Variants in KIAA2012 observed in about 807,000 individuals in gnomAD.
KIAA2012 encodes the protein KIAA2012.
Under a neutral mutation model 150.6 loss-of-function variants are expected in KIAA2012, and 125 were observed. The ratio of observed to expected loss-of-function variants is 0.83; its 90% confidence interval spans 0.72 to 0.96. The LOEUF (loss-of-function observed/expected upper bound fraction) is 0.96. Ranked by LOEUF, KIAA2012 falls within the 40% of genes least tolerant of loss-of-function variation. The pLI is 0.00. For synonymous variants in KIAA2012, 462 were observed against 504.7 expected (o/e 0.92, Z 1.13); for missense variants, 1,219 against 1,354.9 (o/e 0.90, Z 1.57).
At chr2:202,181,663 T>G (rs1472475589) in intron 15 of KIAA2012, among the ~76,000 whole-genome samples, 1 of 152,150 alleles carries the variant, frequency 6.6e-6, no homozygotes, top group Non-Finnish European at 1.5e-5. Context: ...GAATATACAC[T>G]AATCAATTAT....
At chr2:202,092,956 A>G (rs1689764345) in intron 3 of KIAA2012, 74 bp from the exon 4 acceptor site, 2 of 1,319,616 alleles carry the variant, frequency 1.5e-6, no homozygotes, top group Non-Finnish European at 2.1e-6. Context: ...TAAGTGAGGA[A>G]CCTTGTAGTT....
At chr2:202,085,507 G>C (rs1329811974) in intron 2 of KIAA2012, among the ~76,000 whole-genome samples, 1 of 152,124 alleles carries the variant, frequency 6.6e-6, no homozygotes, top group Non-Finnish European at 1.5e-5. Flanking sequence ...ACAAGCCAAG[G>C]AATGAAGGTG....
chr2:202,106,152 A>G, intron 9 of KIAA2012: 2 of 1,132,232 alleles, frequency 1.8e-6, no homozygotes, highest in African/African-American at 1.6e-5. Flanking sequence ...TAATATTTTA[A>G]CAGTGTCCAG....
At chr2:202,204,507 G>C (rs1215703779) in intron 23 of KIAA2012, among the ~76,000 whole-genome samples, 1 of 152,184 alleles carries the variant, frequency 6.6e-6, no homozygotes, top group African/African-American at 2.4e-5. Flanking sequence ...TAGAGCATCT[G>C]AACTGAATTT....
intron 14 of KIAA2012, among the ~76,000 whole-genome samples, chr2:202,156,618 A>G (rs57893288): frequency 0.037 from 5,597 of 152,104 alleles, 352 homozygotes; most frequent in African/African-American, 0.13. Context: ...TAAGAAAGTG[A>G]CTCACGCCTG....
At chr2:202,075,437 T>C (rs1407695531) in intron 2 of KIAA2012, among the ~76,000 whole-genome samples, 1 of 152,196 alleles carries the variant, frequency 6.6e-6, no homozygotes, top group Non-Finnish European at 1.5e-5. Context: ...ATGTTTTCCT[T>C]TCAGTTAGAG....
chr2:202,113,209 G>A, intron 10 of KIAA2012, 127 bp from the exon 11 acceptor site: 7 of 649,606 alleles, frequency 1.1e-5, no homozygotes, highest in South Asian at 9.6e-5. Context: ...TACTCTGGTG[G>A]GCACCCAAGC....
intron 15 of KIAA2012, 124 bp downstream of exon 15, chr2:202,165,480 G>T: frequency 1.1e-6 from 1 of 891,890 alleles, no homozygotes; most frequent in Non-Finnish European, 1.7e-6. Flanking sequence ...CCAGCACTTT[G>T]TGAGGCCAAG....
chr2:202,170,211 T>G (rs960634682), intron 15 of KIAA2012, among the ~76,000 whole-genome samples: 1 of 152,150 alleles, frequency 6.6e-6, no homozygotes, highest in Non-Finnish European at 1.5e-5. Context: ...GCTCAATGGG[T>G]CAAGATGGGA....
chr2:202,160,167 A>C (rs898047534), intron 14 of KIAA2012, among the ~76,000 whole-genome samples: 1 of 152,120 alleles, frequency 6.6e-6, no homozygotes, highest in Non-Finnish European at 1.5e-5. Flanking sequence ...TCAGAGATCT[A>C]TGAGGTCTGT....
chr2:202,193,534 C>T, intron 20 of KIAA2012, 31 bp downstream of exon 20: 2 of 1,546,350 alleles, frequency 1.3e-6, no homozygotes, highest in Non-Finnish European at 1.7e-6. Context: ...AGACTACAGC[C>T]ATGTTAGGAA....
At chr2:202,195,456 A>G (rs2350357) in intron 21 of KIAA2012, among the ~76,000 whole-genome samples, 134,315 of 151,870 alleles carry the variant, frequency 0.88, 59,500 homozygotes, top group African/African-American at 0.91. Flanking sequence ...AGGAGGCGGA[A>G]GTTGCAGTGA....
intron 15 of KIAA2012, among the ~76,000 whole-genome samples, chr2:202,175,070 C>T (rs767486269): frequency 6.6e-4 from 101 of 152,200 alleles, no homozygotes; most frequent in Non-Finnish European, 9.4e-4. Context: ...ACCTTTAAAT[C>T]TCATTGAATT....
In KIAA2012 at chr2:202,165,346, C is replaced by T; in HGVS notation, c.2109C>T (p.His703=). 6.5e-7 allele frequency: 1 copy of T among 1,550,254 alleles called. No homozygotes were observed. The highest frequency in any genetic ancestry group is 8.7e-7 in the Non-Finnish European group (1 of 1,146,752). ...EAGRPLRETH[H]NDQDPEPRSM... ...GGAGACCCCTCAGAGAAACTCACCA[C>T]AACGACCAAGGTACAGACCACTAGG... is the stretch of plus-strand genomic sequence containing the variant. The change falls in exon 15 of 24, where the codon CAC becomes CAT. Residue 703 remains histidine, a synonymous_variant. Coordinates refer to ENST00000498697, the MANE Select transcript of KIAA2012 (RefSeq NM_001277372.4).
intron 5 of KIAA2012, among the ~76,000 whole-genome samples, chr2:202,098,912 G>A (rs1346758878): frequency 6.6e-6 from 1 of 150,826 alleles, no homozygotes; most frequent in East Asian, 2.0e-4. Context: ...CTAACAAGAA[G>A]GTCATCTGCC....
At chr2:202,078,899 A>T (rs894158595) in intron 2 of KIAA2012, among the ~76,000 whole-genome samples, 3 of 152,156 alleles carry the variant, frequency 2.0e-5, no homozygotes, top group African/African-American at 7.2e-5. Flanking sequence ...ATCTGTTTTT[A>T]AAAAAGTGAT....
chr2:202,199,016 A>G (rs527345448), intron 22 of KIAA2012, among the ~76,000 whole-genome samples: 1 of 152,346 alleles, frequency 6.6e-6, no homozygotes, highest in Non-Finnish European at 1.5e-5. Flanking sequence ...AGCTTCCTAA[A>G]TATTGAGACC....
rs140325219 is a variant in KIAA2012, at chr2:202,075,070, G to C, written c.264G>C (p.Arg88Ser). Residue 88 changes from arginine to serine, a missense_variant, in exon 2 of 24, where the codon AGG becomes AGC. Transcript: ENST00000498697. ...TTTCGGCATGGACACCCAAAGAGAGGAGAAAAGGCCCCTACTGCCCCAGAG... is the reference window on the plus strand; with the variant it reads ...TTTCGGCATGGACACCCAAAGAGAGCAGAAAAGGCCCCTACTGCCCCAGAG... ...FAISAWTPKE[R>S]RKGPYCPRGP... 6.6e-4 allele frequency: 1,020 copies of C among 1,550,554 alleles called. 6 individuals carry two copies. In the African/African-American group the frequency reaches 0.011, roughly 17 times the overall value.
At chr2:202,198,757 G>C (rs182579922) in intron 22 of KIAA2012, among the ~76,000 whole-genome samples, 1 of 151,798 alleles carries the variant, frequency 6.6e-6, no homozygotes, top group East Asian at 1.9e-4. Flanking sequence ...TGATTCCAAC[G>C]TTAACTGTAA....
Sources: allele counts gnomAD v4.1 joint callset (sites outside exome capture counted in the v4.1 genomes callset), GRCh38; gene constraint gnomAD v4.1.1; transcripts MANE v1.5; gene names NCBI Gene and HGNC (gene_info 2026-07-23, HGNC 2026-07-21).